The following CALB1 variants were observed in gnomAD, a reference collection of about 807,000 sequenced individuals.
CALB1 encodes the protein calbindin 1, also known as calbindin.
A neutral mutation model predicts 46.7 loss-of-function variants in CALB1; 16 were observed. The ratio of observed to expected loss-of-function variants is 0.34; its 90% confidence interval spans 0.23 to 0.52. CALB1 has a LOEUF of 0.52. CALB1 is among the 20% of genes least tolerant of loss of function. CALB1 has a pLI of 0.95. For synonymous variants in CALB1, 90 were observed against 112.8 expected, an observed-to-expected ratio of 0.80 and a Z score of 1.28; for missense variants, 224 against 300.3, an observed-to-expected ratio of 0.75 and a Z score of 1.88.
At chr8:90,079,485 AGT>A (rs1814685195) in intron 2 of CALB1, among the ~76,000 whole-genome samples, 1 of 152,002 alleles carries the variant, frequency 6.6e-6, no homozygotes, top group Admixed American at 6.6e-5. Context: ...AGAAAATGAA[AGT>A]GTTCAACCAT....
chr8:90,069,972 C>T lies in CALB1; in HGVS notation c.232-735G>A, dbSNP rs144436002. ...CTCATTTCAAAACTTCAATCCTCCT[C>T]TCTTTTTTTTTTTTTTGGAAGAAAA... On this transcript the variant is annotated intron_variant, in intron 3 of 10. Transcript: ENST00000265431. Among the ~76,000 whole-genome samples, 1,024 of 150,246 alleles carry T rather than the reference C, an allele frequency of 6.8e-3. 12 individuals carry two copies. Among genetic ancestry groups the T allele is most frequent in the African/African-American group, 0.024 (976 of 40,424 alleles).
At chr8:90,070,089 T>G (rs1814481706) in intron 3 of CALB1, among the ~76,000 whole-genome samples, 2 of 152,100 alleles carry the variant, frequency 1.3e-5, no homozygotes, top group Admixed American at 1.3e-4. Context: ...TGAGATCTAT[T>G]TCTGGCACAG....
intron 3 of CALB1, among the ~76,000 whole-genome samples, chr8:90,071,354 A>G (rs960626551): frequency 6.6e-6 from 1 of 152,132 alleles, no homozygotes; most frequent in African/African-American, 2.4e-5. Flanking sequence ...ATTATAAAGT[A>G]TCCAGATATC....
chr8:90,064,215 A>C (rs1365878251), intron 6 of CALB1: 1 of 151,848 alleles, frequency 6.6e-6, no homozygotes, highest in Admixed American at 6.6e-5. Context: ...TAATGGATAT[A>C]GATTTAGTGA....
intron 3 of CALB1, among the ~76,000 whole-genome samples, chr8:90,074,011 C>G (rs1814577675): frequency 6.6e-6 from 1 of 151,248 alleles, no homozygotes; most frequent in South Asian, 2.1e-4. Context: ...ATTAGCCAAG[C>G]ATTCATTTTT....
chr8:90,065,945 T>G lies in CALB1; in HGVS notation c.403A>C (p.Asn135His), dbSNP rs2130228318. ...NFLKDLLEKANKTVDDTKLAE... is the reference protein window; with the variant it reads ...NFLKDLLEKAHKTVDDTKLAE... Reference sequence around the variant, plus strand: ...AATTTTGTGTCATCAACAGTCTTGTTTGCTTTTTCTAGCAGGTCCTTTAGA... The same window carrying G: ...AATTTTGTGTCATCAACAGTCTTGTGTGCTTTTTCTAGCAGGTCCTTTAGA... The change falls in exon 6 of 11, where the codon AAC becomes CAC. Residue 135 changes from asparagine (N) to histidine (H), a missense_variant. Asn to His is a moderately conservative substitution (Grantham distance 68). Transcript: ENST00000265431. 6.2e-7 allele frequency: 1 copy of G among 1,611,212 alleles called. No individual in the cohort carries two copies. Among genetic ancestry groups the G allele is most frequent in the East Asian group, 2.2e-5 (1 of 44,802 alleles).
At chr8:90,081,935 G>T in intron 2 of CALB1, 91 bp downstream of exon 2, 1 of 1,111,140 alleles carries the variant, frequency 9.0e-7, no homozygotes, top group South Asian at 1.4e-5. Flanking sequence ...CCCAGAAAGC[G>T]CTTTACGCTA....
At chr8:90,068,808 A>G (rs1252930845) in intron 5 of CALB1, among the ~76,000 whole-genome samples, 190 bp downstream of exon 5, 1 of 152,226 alleles carries the variant, frequency 6.6e-6, no homozygotes, top group East Asian at 1.9e-4. Flanking sequence ...ATTACTGTAC[A>G]GAATTTCCAG....
intron 3 of CALB1, among the ~76,000 whole-genome samples, chr8:90,070,665 A>G (rs1010839483): frequency 2.0e-5 from 3 of 152,198 alleles, no homozygotes; most frequent in African/African-American, 7.2e-5. Flanking sequence ...TTATGTCAAC[A>G]TGTTTAATAT....
chr8:90,081,948 G>T (rs1814740321), intron 2 of CALB1, 78 bp downstream of exon 2: 3 of 1,331,800 alleles, frequency 2.3e-6, no homozygotes, highest in South Asian at 2.5e-5. Context: ...TTACGCTACT[G>T]GCTTTTTGTG....
chr8:90,066,195 G>A (rs1814393607), intron 5 of CALB1, among the ~76,000 whole-genome samples: 1 of 151,906 alleles, frequency 6.6e-6, no homozygotes, highest in South Asian at 2.1e-4. Flanking sequence ...AATAATACCT[G>A]CTTTTTACTG....
intron 5 of CALB1, among the ~76,000 whole-genome samples, chr8:90,068,443 T>A (rs1814439109): frequency 6.6e-6 from 1 of 152,210 alleles, no homozygotes; most frequent in African/African-American, 2.4e-5. Context: ...GTAGAATGTC[T>A]ACAGGCCTTG....
chr8:90,063,638 T>C (rs529512936), intron 6 of CALB1, 177 bp from the exon 7 acceptor site: 1 of 591,064 alleles, frequency 1.7e-6, no homozygotes, highest in South Asian at 2.2e-5. Context: ...AATGTGTCCA[T>C]TGCTAGAGTT....
chr8:90,060,738 CA>C (rs1814282599), intron 9 of CALB1, 38 bp from the exon 10 acceptor site: 1 of 1,404,520 alleles, frequency 7.1e-7, no homozygotes, highest in South Asian at 1.2e-5. Context: ...CAACCAACTC[CA>C]TCTACAGTAG....
At chr8:90,065,712 C>T (rs1814382574) in intron 6 of CALB1, among the ~76,000 whole-genome samples, 186 bp downstream of exon 6, 1 of 151,794 alleles carries the variant, frequency 6.6e-6, no homozygotes, top group Non-Finnish European at 1.5e-5. Flanking sequence ...CCAATGCCTG[C>T]AGAACTCAAA....
intron 3 of CALB1, 160 bp downstream of exon 3, chr8:90,078,213 C>T (rs926157600): frequency 6.4e-6 from 3 of 465,706 alleles, no homozygotes; most frequent in African/African-American, 6.2e-5. Flanking sequence ...CATTTGTGAA[C>T]ATTTTTTAAC....
At chr8:90,065,121 A>G (rs1381419144) in intron 6 of CALB1, among the ~76,000 whole-genome samples, 1 of 151,770 alleles carries the variant, frequency 6.6e-6, no homozygotes, top group Non-Finnish European at 1.5e-5. Flanking sequence ...AAATATATCT[A>G]TCTCCTGGTA....
At chr8:90,068,930 G>T in intron 5 of CALB1, 68 bp downstream of exon 5, 1 of 1,158,136 alleles carries the variant, frequency 8.6e-7, no homozygotes. Context: ...TTTTTAAAAA[G>T]CTAGGAAACT....
chr8:90,068,800 T>G (rs530756979), intron 5 of CALB1, among the ~76,000 whole-genome samples, 198 bp downstream of exon 5: 52 of 152,302 alleles, frequency 3.4e-4, no homozygotes, highest in African/African-American at 1.1e-3. Flanking sequence ...TTTTTTGCAT[T>G]ACTGTACAGA....
Sources: allele counts gnomAD v4.1 joint callset (sites outside exome capture counted in the v4.1 genomes callset), GRCh38; gene constraint gnomAD v4.1.1; transcripts MANE v1.5; gene names NCBI Gene and HGNC (gene_info 2026-07-23, HGNC 2026-07-21).